NDST4: variants seen among roughly 807,000 people sequenced by gnomAD.
NDST4 encodes N-deacetylase and N-sulfotransferase 4.
In NDST4, 63 loss-of-function variants were observed where a neutral mutation model predicts 100.8. The ratio of observed to expected loss-of-function variants is 0.62; its 90% CI spans 0.51 to 0.77. The LOEUF is 0.77. Among genes scored for constraint, NDST4 ranks in the 30% least tolerant of loss-of-function variants. The pLI is 0.00. For missense variants in NDST4, 943 were observed against 1,018.4 expected, an observed-to-expected ratio of 0.93 and a Z score of 1.01; for synonymous variants, 377 against 361.8, an observed-to-expected ratio of 1.04 and a Z score of -0.48.
intron 8 of NDST4, among the ~76,000 whole-genome samples, chr4:114,850,400 G>A (rs564027878): frequency 8.5e-5 from 13 of 152,060 alleles, no homozygotes; most frequent in Non-Finnish European, 1.3e-4. Flanking sequence ...AGGGAGGAGA[G>A]AGCAAGCACT....
intron 4 of NDST4, among the ~76,000 whole-genome samples, chr4:114,955,121 C>A (rs1476426002): frequency 2.0e-5 from 3 of 152,128 alleles, no homozygotes; most frequent in African/African-American, 7.2e-5. Flanking sequence ...ATATTATTTT[C>A]ATACTACATG....
intron 7 of NDST4, among the ~76,000 whole-genome samples, chr4:114,868,379 A>T (rs1484938647): frequency 1.3e-5 from 2 of 152,084 alleles, no homozygotes; most frequent in African/African-American, 4.8e-5. Context: ...ACCATTTTAA[A>T]ATGTGTTATT....
intron 13 of NDST4, among the ~76,000 whole-genome samples, chr4:114,828,711 T>C (rs1723132818): frequency 3.3e-5 from 5 of 152,156 alleles, no homozygotes; most frequent in Admixed American, 2.6e-4. Flanking sequence ...TTTGATAAAA[T>C]TGGAGACGAA....
Position 115,105,618 on chromosome 4 carries a change from A to C in NDST4, c.-247+7826T>G, listed in dbSNP as rs537069095. Reference sequence around the variant, plus strand: ...TATAGTGCGACAACAAAAAACAACAAGAAATCTTGGTAGCCAGCATTTATT... The same window carrying C: ...TATAGTGCGACAACAAAAAACAACACGAAATCTTGGTAGCCAGCATTTATT... On this transcript the variant is annotated intron_variant, in intron 1 of 13. Coordinates refer to ENST00000264363, the MANE Select transcript of NDST4 (RefSeq NM_022569.3). Among the ~76,000 whole-genome samples, 67 of 152,276 alleles carry C rather than the reference A, an allele frequency of 4.4e-4. No homozygotes were observed. The South Asian group carries it at 6.0e-3, about 14-fold the overall frequency.
At chr4:114,946,785 A>G (rs1225725206) in intron 4 of NDST4, among the ~76,000 whole-genome samples, 5 of 152,196 alleles carry the variant, frequency 3.3e-5, no homozygotes, top group African/African-American at 1.2e-4. Context: ...GCAACACTGA[A>G]GAGAAGGAAT....
chr4:114,997,717 T>C (rs1483246817), intron 2 of NDST4, among the ~76,000 whole-genome samples: 1 of 152,064 alleles, frequency 6.6e-6, no homozygotes, highest in Admixed American at 6.6e-5. Context: ...GCCTTATCTA[T>C]AGTACAGACA....
intron 6 of NDST4, among the ~76,000 whole-genome samples, chr4:114,883,977 G>C (rs907470341): frequency 6.6e-6 from 1 of 152,014 alleles, no homozygotes; most frequent in African/African-American, 2.4e-5. Context: ...GGGACCCCTG[G>C]TCTACAAGAC....
At chr4:115,049,532 AG>A (rs1368136505) in intron 2 of NDST4, among the ~76,000 whole-genome samples, 1 of 152,192 alleles carries the variant, frequency 6.6e-6, no homozygotes, top group African/African-American at 2.4e-5. Flanking sequence ...CAGGTAAAAA[AG>A]TAATCACTTT....
chr4:115,071,882 T>A (rs1729085624), intron 2 of NDST4, among the ~76,000 whole-genome samples: 2 of 152,108 alleles, frequency 1.3e-5, no homozygotes, highest in African/African-American at 4.8e-5. Flanking sequence ...TCTATGGACA[T>A]ATAAGTAACA....
At chr4:114,837,391 A>G (rs1723327036) in intron 11 of NDST4, among the ~76,000 whole-genome samples, 1 of 152,172 alleles carries the variant, frequency 6.6e-6, no homozygotes, top group South Asian at 2.1e-4. Flanking sequence ...CAAAAAGAAC[A>G]AAGCTGGAGG....
intron 6 of NDST4, among the ~76,000 whole-genome samples, chr4:114,923,224 T>G (rs1017385398): frequency 1.3e-5 from 2 of 152,154 alleles, no homozygotes; most frequent in African/African-American, 4.8e-5. Flanking sequence ...TCCTCAAATA[T>G]AAAAATAGGA....
intron 6 of NDST4, among the ~76,000 whole-genome samples, chr4:114,927,957 G>A (rs150732555): frequency 3.9e-5 from 6 of 152,244 alleles, no homozygotes; most frequent in African/African-American, 1.4e-4. Flanking sequence ...GTCTCTGGAT[G>A]ATTTCATGGA....
chr4:115,084,364 G>A (rs1729366283), intron 1 of NDST4, among the ~76,000 whole-genome samples: 1 of 152,210 alleles, frequency 6.6e-6, no homozygotes, highest in South Asian at 2.1e-4. Context: ...CGATGATGCA[G>A]TAGAAAAGAA....
At chr4:114,903,258 C>T (rs1724883853) in intron 6 of NDST4, among the ~76,000 whole-genome samples, 1 of 152,078 alleles carries the variant, frequency 6.6e-6, no homozygotes, top group African/African-American at 2.4e-5. Context: ...GAGGACAGAA[C>T]TTGTTAAGAA....
intron 2 of NDST4, among the ~76,000 whole-genome samples, chr4:115,058,368 C>A (rs1728746757): frequency 6.6e-6 from 1 of 152,146 alleles, no homozygotes; most frequent in Admixed American, 6.6e-5. Flanking sequence ...AATGGAAATG[C>A]AGCAGATCTG....
At chr4:115,079,148 G>A (rs571872033) in intron 1 of NDST4, among the ~76,000 whole-genome samples, 90 of 151,830 alleles carry the variant, frequency 5.9e-4, no homozygotes, top group African/African-American at 4.6e-4. Flanking sequence ...TCATGAGATC[G>A]ATACCATCCT....
chr4:115,110,977 T>C (rs1444703360), intron 1 of NDST4, among the ~76,000 whole-genome samples: 1 of 152,026 alleles, frequency 6.6e-6, no homozygotes, highest in Non-Finnish European at 1.5e-5. Flanking sequence ...CTTTATTTTA[T>C]GTTTCCCCAG....
chr4:115,068,636 A>G (rs6533831), intron 2 of NDST4, among the ~76,000 whole-genome samples: 108,458 of 145,802 alleles, frequency 0.74, 41,498 homozygotes, highest in African/African-American at 0.93. Context: ...GTGAAACCCC[A>G]TCTCCAAAAA....
chr4:114,849,601 C>T (rs116594289), intron 8 of NDST4, among the ~76,000 whole-genome samples: 1 of 151,968 alleles, frequency 6.6e-6, no homozygotes, highest in Non-Finnish European at 1.5e-5. Flanking sequence ...AAGGGAAGAA[C>T]GTAACAACAG....
Sources: allele counts gnomAD v4.1 joint callset (sites outside exome capture counted in the v4.1 genomes callset), GRCh38; gene constraint gnomAD v4.1.1; transcripts MANE v1.5; gene names NCBI Gene and HGNC (gene_info 2026-07-23, HGNC 2026-07-21).